Variants in MIGA2 observed in about 807,000 individuals in gnomAD.
MIGA2 encodes the protein mitoguardin 2.
A neutral mutation model predicts 69.9 loss-of-function variants in MIGA2; 36 were observed. The ratio of observed to expected loss-of-function variants is 0.52; its 90% CI spans 0.39 to 0.68. The LOEUF (loss-of-function observed/expected upper bound fraction) is 0.68. Ranked by LOEUF, MIGA2 falls within the 30% of genes least tolerant of loss-of-function variation. The pLI is 0.00. For missense variants in MIGA2, 660 were observed against 787.7 expected (o/e 0.84, Z 1.94); for synonymous variants, 333 against 349.2 (o/e 0.95, Z 0.52).
chr9:129,055,099 A>G (rs1476423792), intron 6 of MIGA2, among the ~76,000 whole-genome samples: 5 of 138,098 alleles, frequency 3.6e-5, no homozygotes, highest in Admixed American at 1.5e-4. Context: ...TTTTTTTGAG[A>G]TGGAGTCTCG....
At chr9:129,045,649 C>T (rs960500241) in intron 3 of MIGA2, among the ~76,000 whole-genome samples, 4 of 151,440 alleles carry the variant, frequency 2.6e-5, no homozygotes, top group Non-Finnish European at 5.9e-5. Flanking sequence ...TGTGGTGGCT[C>T]ATACCTGTAA....
Position 129,059,116 on chromosome 9 carries a change from T to G in MIGA2, c.676-38T>G. 1 of 1,584,406 alleles carries G rather than the reference T, an allele frequency of 6.3e-7. No homozygotes were observed. Among genetic ancestry groups the G allele is most frequent in the Non-Finnish European group, 8.7e-7 (1 of 1,154,166 alleles). On this transcript the variant is annotated intron_variant, in intron 6 of 15. Coordinates refer to ENST00000684074, the MANE Select transcript of MIGA2 (RefSeq NM_001329990.2). The surrounding 1 kb of genome is among the most constrained non-coding windows in gnomAD (Gnocchi z 5.6). Reference sequence around the variant, plus strand: ...GAAGGGGCCATTTTCATCGGGAGCTTTGAGGGTCTGGGTTGAGGGTCCTTG... The same window carrying G: ...GAAGGGGCCATTTTCATCGGGAGCTGTGAGGGTCTGGGTTGAGGGTCCTTG...
rs1273289803 is a variant in MIGA2 at position 129,069,090 on chromosome 9, T to C, written c.1419T>C (p.Ala473=). The change falls in exon 14 of 16, where the codon GCT becomes GCC. Residue 473 remains alanine, a synonymous_variant. Coordinates refer to ENST00000684074, the MANE Select transcript of MIGA2 (RefSeq NM_001329990.2). The surrounding 1 kb of genome is among the most constrained non-coding windows in gnomAD (Gnocchi z 4.9). ...DSFKETALAT[A]CWSVLKAKRR... is the part of the protein sequence containing the mutation. ...TTTTGATGTAGGCCTTGGCCACTGC[T>C]TGCTGGTCGGTCCTGAAAGCCAAGA... 4 of 1,613,868 alleles carry C rather than the reference T, an allele frequency of 2.5e-6. No individual in the cohort carries two copies. In the African/African-American group the frequency reaches 4.0e-5, roughly 16 times the overall value.
At chr9:129,062,558 A>T (rs1321414166) in intron 9 of MIGA2, among the ~76,000 whole-genome samples, 1 of 149,190 alleles carries the variant, frequency 6.7e-6, no homozygotes, top group Admixed American at 6.7e-5. Flanking sequence ...AAGCAAAAAA[A>T]CTGGGCCAGG....
intron 1 of MIGA2, among the ~76,000 whole-genome samples, chr9:129,038,984 G>A (rs1159962653): frequency 2.6e-5 from 4 of 151,100 alleles, no homozygotes; most frequent in African/African-American, 4.9e-5. Flanking sequence ...TAGTAGAGAC[G>A]GGGTTTCACC....
chr9:129,057,957 G>A (rs111654705), intron 6 of MIGA2, among the ~76,000 whole-genome samples: 1 of 152,112 alleles, frequency 6.6e-6, no homozygotes, highest in African/African-American at 2.4e-5. Flanking sequence ...CTCTGGCTTA[G>A]TTTGGTATAA....
chr9:129,042,326 T>A lies in MIGA2; in HGVS notation c.119T>A (p.Leu40Ter). The A allele has an allele frequency of 6.2e-7, 1 of 1,612,534 alleles. No individual in the cohort carries two copies. Among genetic ancestry groups the A allele is most frequent in the Non-Finnish European group, 8.5e-7 (1 of 1,179,980 alleles). Reference sequence around the variant, plus strand: ...CAGTCTGCATTCTCCCAGCTACGGTTGACGCCAGGCCTGCGGAAAGTCCTC... The same window carrying A: ...CAGTCTGCATTCTCCCAGCTACGGTAGACGCCAGGCCTGCGGAAAGTCCTC... ...FGQSAFSQLRLTPGLRKVLFA... is the reference protein window; with the variant it reads ...FGQSAFSQLR The change falls in exon 3 of 16, where the codon TTG (leucine) becomes TAG (stop). Residue 40 changes from leucine (L) to a stop codon, truncating the protein, a stop_gained. Transcript: ENST00000684074. LOFTEE classifies it high-confidence loss of function.
chr9:129,068,995 T>C lies in MIGA2; in HGVS notation c.1405-81T>C. On this transcript the variant is annotated intron_variant, in intron 13 of 15. Transcript: ENST00000684074. This position sits in a 1 kb window ranked among gnomAD's most constrained non-coding sequence, Gnocchi z 4.1. ...AGTGGGGTGAGCTGGGTTTAAGGGC[T>C]TGGTGCTGGGCTGGCAGAGGGCGAG... 1 of 1,549,882 alleles carries C rather than the reference T, an allele frequency of 6.5e-7. No homozygotes were observed.
At position 129,036,693 on chromosome 9, in the gene MIGA2, C is replaced by G. The variant is rs1844608039; in HGVS notation, c.-144+12C>G. On this transcript the variant is annotated intron_variant, in intron 1 of 15. Coordinates refer to ENST00000684074, the MANE Select transcript of MIGA2 (RefSeq NM_001329990.2). The stretch of plus-strand genomic sequence containing the variant: ...CGATGGCATCCCGGGTGAGTATCGG[C>G]CCCGGCCGAGCCCCCAAGGCGGGCG... 6.1e-6 allele frequency: 1 copy of G among 163,918 alleles called. No homozygotes were observed. Among genetic ancestry groups the G allele is most frequent in the South Asian group, 2.1e-4 (1 of 4,848 alleles). The allele number at this position is 163,918 out of a possible 1,614,324, so 10.2% of individuals were successfully genotyped here.
At position 129,060,971 on chromosome 9, in the gene MIGA2, T is replaced by G. The variant is rs1383859266; in HGVS notation, c.895-260T>G. On this transcript the variant is annotated intron_variant, in intron 8 of 15. Coordinates refer to ENST00000684074, the MANE Select transcript of MIGA2 (RefSeq NM_001329990.2). This position sits in a 1 kb window ranked among gnomAD's most constrained non-coding sequence, Gnocchi z 4.8. ...CATGGATCAGGCACTGTGTCCTTCC[T>G]TGGGATGGGAGGACATGCACATGTG... Among the ~76,000 whole-genome samples, 1 of 152,214 alleles carries G rather than the reference T, an allele frequency of 6.6e-6. No homozygotes were observed. The highest frequency in any genetic ancestry group is 1.5e-5 in the Non-Finnish European group (1 of 68,024).
chr9:129,054,445 G>A (rs2131367944), intron 6 of MIGA2, among the ~76,000 whole-genome samples: 1 of 152,318 alleles, frequency 6.6e-6, no homozygotes, highest in East Asian at 1.9e-4. Context: ...GCAATAGAGT[G>A]AGACCCTGTC....
intron 11 of MIGA2, among the ~76,000 whole-genome samples, chr9:129,065,708 G>A (rs919198822): frequency 3.3e-5 from 5 of 152,124 alleles, no homozygotes; most frequent in African/African-American, 1.2e-4. Flanking sequence ...GTTAGGAAGT[G>A]GGACATATAC....
In MIGA2 at chr9:129,063,580, C is replaced by T. The variant is rs139730010; in HGVS notation, c.1119C>T (p.Phe373=). ...AAGACAAGAGTAACCAGCTTTTCTT[C>T]GGGAAAGTGGGCCGACAGATGGTGA... ...LLEDKSNQLF[F]GKVGRQMVTG... is the part of the protein sequence containing the mutation. The change falls in exon 11 of 16, where the codon TTC becomes TTT. Residue 373 remains phenylalanine (F), a synonymous_variant. Coordinates refer to ENST00000684074, the MANE Select transcript of MIGA2 (RefSeq NM_001329990.2). 5.8e-5 allele frequency: 81 copies of T among 1,390,294 alleles called. No homozygotes were observed. The highest frequency in any genetic ancestry group is 4.1e-4 in the Middle Eastern group (2 of 4,932). 86.1% of individuals were successfully genotyped at this position (1,390,294 alleles called of 1,614,324 possible).
intron 11 of MIGA2, among the ~76,000 whole-genome samples, chr9:129,065,740 A>G (rs1846307720): frequency 6.6e-6 from 1 of 152,110 alleles, no homozygotes; most frequent in Non-Finnish European, 1.5e-5. Flanking sequence ...AGCCCCCCAC[A>G]CCACTTTTTC....
intron 6 of MIGA2, among the ~76,000 whole-genome samples, chr9:129,052,186 C>T (rs752053848): frequency 2.6e-5 from 4 of 151,220 alleles, no homozygotes; most frequent in African/African-American, 4.9e-5. Flanking sequence ...AGTGCAGTGG[C>T]GTGATCTTGG....
intron 6 of MIGA2, 70 bp downstream of exon 6, chr9:129,050,033 C>G: frequency 1.3e-6 from 2 of 1,540,656 alleles, no homozygotes; most frequent in Non-Finnish European, 1.8e-6. Context: ...GGCGGCCACA[C>G]CTTGGGAGGC....
intron 6 of MIGA2, among the ~76,000 whole-genome samples, chr9:129,058,660 C>T (rs1845914920): frequency 1.3e-5 from 2 of 151,840 alleles, no homozygotes; most frequent in African/African-American, 2.4e-5. Flanking sequence ...CCACCACACC[C>T]GGCTAATTTT....
At position 129,060,225 on chromosome 9, in the gene MIGA2, C is replaced by T. The variant is rs17485856; in HGVS notation, c.794-325C>T. Among the ~76,000 whole-genome samples, 18 of 152,290 alleles carry T rather than the reference C, an allele frequency of 1.2e-4. No individual in the cohort carries two copies. Among genetic ancestry groups the T allele is most frequent in the African/African-American group, 4.3e-4 (18 of 41,564 alleles). ...GGGCCACACAGTTCAAGGTCCTCCCCCTGCAGAGCTTGGGCCTTCAGGCCT... is the reference window on the plus strand; with the variant it reads ...GGGCCACACAGTTCAAGGTCCTCCCTCTGCAGAGCTTGGGCCTTCAGGCCT... On this transcript the variant is annotated intron_variant, in intron 7 of 15. Transcript: ENST00000684074. The surrounding 1 kb of genome is among the most constrained non-coding windows in gnomAD (Gnocchi z 4.8).
chr9:129,069,972 A>G lies in MIGA2; in HGVS notation c.1575+7A>G, dbSNP rs955918302. 1 of 1,588,984 alleles carries G rather than the reference A, an allele frequency of 6.3e-7. No individual in the cohort carries two copies. The highest frequency in any genetic ancestry group is 8.6e-7 in the Non-Finnish European group (1 of 1,165,230). On this transcript the variant is annotated splice_region_variant and intron_variant, in intron 15 of 15. Transcript: ENST00000684074. This position sits in a 1 kb window ranked among gnomAD's most constrained non-coding sequence, Gnocchi z 4.9. ...AGTCTGTGCTTTCTTCAAGGTAAAC[A>G]GAGAGCAGTTCTCGTTCTTTCCTGA...
Sources: allele counts gnomAD v4.1 joint callset (sites outside exome capture counted in the v4.1 genomes callset), GRCh38; gene constraint gnomAD v4.1.1; non-coding constraint Gnocchi (gnomAD v3.1); transcripts MANE v1.5; gene names NCBI Gene and HGNC (gene_info 2026-07-23, HGNC 2026-07-21).